EEA1: variants seen among roughly 807,000 people sequenced by gnomAD.
EEA1 encodes the protein early endosome antigen 1.
Under a neutral mutation model 209.2 loss-of-function variants are expected in EEA1, and 111 were observed. The observed-to-expected ratio is 0.53, with a 90% confidence interval of 0.45 to 0.62. The LOEUF (loss-of-function observed/expected upper bound fraction) is 0.62, where lower values mean the gene tolerates loss of function less well. EEA1 is among the 20% of genes least tolerant of loss of function. The pLI is 0.00. For synonymous variants in EEA1, 536 were observed against 540.6 expected, an observed-to-expected ratio of 0.99 and a Z score of 0.12; for missense variants, 1,343 against 1,530.8, an observed-to-expected ratio of 0.88 and a Z score of 2.05.
chr12:92,786,849 A>G (rs574475996), intron 22 of EEA1, among the ~76,000 whole-genome samples: 1 of 152,358 alleles, frequency 6.6e-6, no homozygotes, highest in African/African-American at 2.4e-5. Context: ...GGCATCTAAG[A>G]TACTTCACAA....
At position 92,832,850 on chromosome 12, in the gene EEA1, T is replaced by C; in HGVS notation, c.916A>G (p.Thr306Ala). 6.3e-7 allele frequency: 1 copy of C among 1,579,006 alleles called. No individual in the cohort carries two copies. Among genetic ancestry groups the C allele is most frequent in the Non-Finnish European group, 8.6e-7 (1 of 1,166,532 alleles). Residue 306 changes from threonine to alanine, a missense_variant and splice_region_variant, in exon 11 of 29, where the codon ACC (threonine) becomes GCC (alanine). Physicochemically the swap from Thr to Ala is moderately conservative, Grantham distance 58. Around this residue, in one of 3 missense-constraint regions of EEA1, gnomAD observed 1,307 missense variants for 1,465.5 expected, o/e 0.89. Coordinates refer to ENST00000322349, the MANE Select transcript of EEA1 (RefSeq NM_003566.4). Reference protein sequence around the residue: ...SVNELTQKNQTLTENLLKKEQ... With the variant: ...SVNELTQKNQALTENLLKKEQ... ...TTTTTCAGCAAGTTTTCTGTCAAGG[T>C]CTAAAATATCAATTTAACAATTTAT... is the stretch of plus-strand genomic sequence containing the variant.
intron 23 of EEA1, 28 bp downstream of exon 23, chr12:92,781,922 G>A (rs1192675592): frequency 7.0e-6 from 11 of 1,579,668 alleles, no homozygotes; most frequent in Non-Finnish European, 9.5e-6. Context: ...CTCTAAGATT[G>A]TAGATTTAGG....
chr12:92,832,636 A>C lies in EEA1; in HGVS notation c.1130T>G (p.Leu377Arg). The C allele has an allele frequency of 6.2e-7, 1 of 1,613,972 alleles. No homozygotes were observed. The change falls in exon 11 of 29, where the codon CTC becomes CGC. Residue 377 changes from leucine to arginine, a missense_variant. Physicochemically the swap from Leu to Arg is moderately radical, Grantham distance 102. Transcript: ENST00000322349. ...CTCTACCTCAGATAATTCTTCTTTG[A>C]GCTTTTGAGTAGCTTCTCCTTTTTC... The part of the protein sequence containing the change: ...LSEKGEATQK[L>R]KEELSEVETK...
chr12:92,896,664 G>A (rs575383443), intron 1 of EEA1, among the ~76,000 whole-genome samples: 22 of 152,176 alleles, frequency 1.4e-4, no homozygotes, highest in African/African-American at 4.8e-4. Flanking sequence ...TTAGCCAGGC[G>A]TGGTGGTGCG....
chr12:92,811,812 GT>G (rs1173913902), intron 16 of EEA1, among the ~76,000 whole-genome samples: 1 of 150,724 alleles, frequency 6.6e-6, no homozygotes, highest in East Asian at 1.9e-4. Flanking sequence ...ATATTACAGT[GT>G]TTACATTTAT....
chr12:92,793,477 T>A lies in EEA1; in HGVS notation c.2967+5415A>T, dbSNP rs565538991. On this transcript the variant is annotated intron_variant, in intron 21 of 28. Transcript: ENST00000322349. ...TGTGCAAAAATCACAAGCATTCCTA[T>A]ACACTATTAACAGACAAACTGAGAG... 5.9e-5 allele frequency among the ~76,000 whole-genome samples: 9 copies of A among 152,328 alleles called. No individual in the cohort carries two copies. The East Asian group carries it at 1.7e-3, about 29-fold the overall frequency.
At chr12:92,889,378 T>C (rs2136752990) in intron 2 of EEA1, among the ~76,000 whole-genome samples, 1 of 150,940 alleles carries the variant, frequency 6.6e-6, no homozygotes, top group African/African-American at 2.4e-5. Context: ...GGAAGTTAAA[T>C]CCAAACTAAG....
chr12:92,824,231 A>G (rs1241089127), intron 13 of EEA1, among the ~76,000 whole-genome samples: 3 of 152,200 alleles, frequency 2.0e-5, no homozygotes, highest in Non-Finnish European at 4.4e-5. Context: ...CCTTTAAAGC[A>G]TAACTAGAAT....
chr12:92,923,661 CCT>C (rs2136790822), intron 1 of EEA1, among the ~76,000 whole-genome samples: 1 of 152,190 alleles, frequency 6.6e-6, no homozygotes, highest in South Asian at 2.1e-4. Flanking sequence ...ACAAACTTTT[CCT>C]CTGTGTATCT....
chr12:92,798,594 G>A (rs533850223), intron 21 of EEA1, among the ~76,000 whole-genome samples: 4 of 152,124 alleles, frequency 2.6e-5, no homozygotes, highest in South Asian at 2.1e-4. Flanking sequence ...GATTACAAGC[G>A]TGAGCCACTG....
At chr12:92,887,610 C>T (rs1224455756) in intron 2 of EEA1, among the ~76,000 whole-genome samples, 3 of 151,944 alleles carry the variant, frequency 2.0e-5, no homozygotes, top group Non-Finnish European at 4.4e-5. Context: ...GAACTATGAC[C>T]ACGCTCCAGC....
At chr12:92,857,575 A>C in intron 3 of EEA1, 90 bp from the exon 4 acceptor site, 1 of 747,966 alleles carries the variant, frequency 1.3e-6, no homozygotes, top group Non-Finnish European at 2.1e-6. Context: ...ATTGTATATT[A>C]ATATTATAGT....
intron 9 of EEA1, among the ~76,000 whole-genome samples, chr12:92,845,631 A>T (rs1016473461): frequency 1.3e-5 from 2 of 152,014 alleles, no homozygotes; most frequent in African/African-American, 4.8e-5. Context: ...CAACTCTAAA[A>T]CTGTTCTAAA....
chr12:92,875,673 CT>C (rs1478246342), intron 2 of EEA1, among the ~76,000 whole-genome samples: 1 of 152,128 alleles, frequency 6.6e-6, no homozygotes. Flanking sequence ...TTGTCGTTTC[CT>C]TGCTTAAAAT....
At chr12:92,810,601 T>C (rs1194404721) in intron 17 of EEA1, among the ~76,000 whole-genome samples, 1 of 152,052 alleles carries the variant, frequency 6.6e-6, no homozygotes, top group Non-Finnish European at 1.5e-5. Context: ...ATAAGTTACA[T>C]ATATAGTAAC....
At chr12:92,826,400 A>AT (rs779273490) in intron 12 of EEA1, 115 bp from the exon 13 acceptor site, 156 of 954,530 alleles carry the variant, frequency 1.6e-4, no homozygotes, top group Non-Finnish European at 2.2e-4. Flanking sequence ...TCAGGAATAT[A>AT]TAAGATAAAC....
chr12:92,852,040 G>A lies in EEA1; in HGVS notation c.642+135C>T. ...TCATATACAGAATATATATGCAGGT[G>A]GTAGAATATAGGGAATTGCTTATTT... On this transcript the variant is annotated intron_variant, in intron 8 of 28. Coordinates refer to ENST00000322349, the MANE Select transcript of EEA1 (RefSeq NM_003566.4). The A allele has an allele frequency of 5.1e-6, 3 of 585,768 alleles. No homozygotes were observed. In the South Asian group the frequency reaches 1.1e-4, roughly 22 times the overall value. The allele number at this position is 585,768 out of a possible 1,614,324, so 36.3% of individuals were successfully genotyped here. A position where few individuals can be genotyped will look rare whatever the true frequency, so the allele number is the denominator to read the frequency against.
intron 9 of EEA1, among the ~76,000 whole-genome samples, chr12:92,844,863 T>C (rs1282268176): frequency 6.6e-6 from 1 of 152,064 alleles, no homozygotes; most frequent in Non-Finnish European, 1.5e-5. Flanking sequence ...TTAAATATCA[T>C]GATTTCATAT....
rs192009391 is a variant in EEA1, at chr12:92,772,867, C to T, written c.*3144G>A. 460 of 152,380 alleles carry T rather than the reference C, an allele frequency of 3.0e-3. 5 individuals are homozygous for T. Among genetic ancestry groups the T allele is most frequent in the Non-Finnish European group, 4.0e-3 (269 of 67,750 alleles). The allele number at this position is 152,380 out of a possible 1,614,324, so 9.4% of individuals were successfully genotyped here. A position where few individuals can be genotyped will look rare whatever the true frequency, so the allele number is the denominator to read the frequency against. On this transcript the variant is annotated 3_prime_UTR_variant, in exon 29 of 29. Coordinates refer to ENST00000322349, the MANE Select transcript of EEA1 (RefSeq NM_003566.4). ...TCATATACACAACTGCATTGTGTTA[C>T]AATAAATTTATTACTTCTACACAGA...
Sources: allele counts gnomAD v4.1 joint callset (sites outside exome capture counted in the v4.1 genomes callset), GRCh38; gene constraint gnomAD v4.1.1; regional missense constraint gnomAD v4.1.1; transcripts MANE v1.5; gene names NCBI Gene and HGNC (gene_info 2026-07-23, HGNC 2026-07-21).